The following MX2 variants were observed in gnomAD, a reference collection of about 807,000 sequenced individuals.
MX2 encodes the protein MX dynamin like GTPase 2.
In MX2, 51 loss-of-function variants were observed where a neutral mutation model predicts 74.0. That is an observed-to-expected ratio of 0.69 (90% CI 0.55 to 0.87). MX2 has a LOEUF of 0.87. MX2 is among the 40% of genes least tolerant of loss of function. The probability of loss-of-function intolerance (pLI) is 0.00; values close to 1 mark genes in which losing one functional copy is unlikely to be tolerated. For synonymous variants in MX2, 369 were observed against 339.3 expected (o/e 1.09, Z -0.96); for missense variants, 832 against 908.7 (o/e 0.92, Z 1.09).
intron 1 of MX2, among the ~76,000 whole-genome samples, chr21:41,369,655 C>A (rs1347800230): frequency 6.6e-6 from 1 of 152,142 alleles, no homozygotes; most frequent in African/African-American, 2.4e-5. Flanking sequence ...TGAGGTGCTG[C>A]TCTGGGACTC....
chr21:41,381,365 C>T (rs2089488935), intron 4 of MX2, among the ~76,000 whole-genome samples: 1 of 152,192 alleles, frequency 6.6e-6, no homozygotes, highest in Admixed American at 6.5e-5. Flanking sequence ...ACCATATGTG[C>T]AGGCTTGGTC....
At chr21:41,374,774 G>C (rs1338961791) in intron 1 of MX2, among the ~76,000 whole-genome samples, 1 of 152,190 alleles carries the variant, frequency 6.6e-6, no homozygotes, top group Admixed American at 6.5e-5. Flanking sequence ...TGGCCCAACT[G>C]TCCCAAAGCC....
Position 41,380,150 on chromosome 21 carries a change from AG to A in MX2, c.577+1del, listed in dbSNP as rs1460138511. ...PGQVEKEIHK[A>X]QNVMAGNGRG... is the part of the protein sequence containing the mutation. ...GCCAGGTGGAGAAAGAGATACACAA[AG>A]GTGGGCCCACGTCATTCTGAGGTTC... On this transcript the variant is annotated frameshift_variant and splice_region_variant, in exon 4 of 14. Transcript: ENST00000330714. LOFTEE classifies it high-confidence loss of function. The surrounding 1 kb of genome is among the most constrained non-coding windows in gnomAD (Gnocchi z 4.3). 1.9e-6 allele frequency: 3 copies of A among 1,613,680 alleles called. No individual in the cohort carries two copies. The highest frequency in any genetic ancestry group is 2.5e-6 in the Non-Finnish European group (3 of 1,179,804).
At chr21:41,369,850 T>TCCCGCC (rs1410120391) in intron 1 of MX2, among the ~76,000 whole-genome samples, 4 of 23,510 alleles carry the variant, frequency 1.7e-4, no homozygotes, top group Non-Finnish European at 3.8e-4. Context: ...CCGCCCCCGC[T>TCCCGCC]CCCGCCCCGC....
rs748337579 is a variant in MX2, at chr21:41,395,665, C to T, written c.950C>T (p.Pro317Leu). Reference sequence around the variant, plus strand: ...AATGTGGTGCGGAACCTCACGTACCCCCTCAAGAAGGGCTACATGATTGTG... The same window carrying T: ...AATGTGGTGCGGAACCTCACGTACCTCCTCAAGAAGGGCTACATGATTGTG... ...VMNVVRNLTY[P>L]LKKGYMIVKC... The change falls in exon 7 of 14, where the codon CCC becomes CTC. Residue 317 changes from proline (P) to leucine (L), a missense_variant. Pro to Leu is a moderately conservative substitution (Grantham distance 98). Transcript: ENST00000330714. 1.2e-6 allele frequency: 2 copies of T among 1,614,166 alleles called. No individual in the cohort carries two copies. Among genetic ancestry groups the T allele is most frequent in the Non-Finnish European group, 1.7e-6 (2 of 1,180,030 alleles).
intron 1 of MX2, among the ~76,000 whole-genome samples, chr21:41,369,645 T>G (rs1372187598): frequency 6.6e-6 from 1 of 151,950 alleles, no homozygotes; most frequent in Non-Finnish European, 1.5e-5. Context: ...TCCCGAGAAG[T>G]GAGGTGCTGC....
intron 3 of MX2, among the ~76,000 whole-genome samples, chr21:41,379,574 AC>A (rs2089460104): frequency 1.3e-5 from 2 of 150,178 alleles, no homozygotes; most frequent in African/African-American, 4.9e-5. Context: ...GCCATCCCCC[AC>A]CCCCCACACT....
intron 6 of MX2, among the ~76,000 whole-genome samples, chr21:41,393,053 G>A (rs537905803): frequency 4.6e-4 from 63 of 136,422 alleles, no homozygotes; most frequent in Non-Finnish European, 5.9e-4. Flanking sequence ...GCAGTGAGCC[G>A]AGATTGCACC....
In MX2 at chr21:41,376,863, A is replaced by G; in HGVS notation, c.-44A>G. ...CTTGTCAGGAAGATCGGAGGTGCCA[A>G]GTAGCAGAGAAAGCATCCCCCAGCT... On this transcript the variant is annotated 5_prime_UTR_variant, in exon 2 of 14. Transcript: ENST00000330714. 1 of 1,605,076 alleles carries G rather than the reference A, an allele frequency of 6.2e-7. No homozygotes were observed. The highest frequency in any genetic ancestry group is 8.5e-7 in the Non-Finnish European group (1 of 1,174,600).
At position 41,377,840 on chromosome 21, in the gene MX2, A is replaced by C. The variant is rs1448288378; in HGVS notation, c.301A>C (p.Ile101Leu). 23 of 1,614,210 alleles carry C rather than the reference A, an allele frequency of 1.4e-5. No homozygotes were observed. Among genetic ancestry groups the C allele is most frequent in the Non-Finnish European group, 1.9e-5 (22 of 1,180,038 alleles). ...GTACGAGCAGAAGGTGCGCCCCTGC[A>C]TTGACCTCATCGACTCCCTGCGGGC... ...SQYEQKVRPC[I>L]DLIDSLRALG... The change falls in exon 3 of 14, where the codon ATT (isoleucine) becomes CTT (leucine). Residue 101 changes from isoleucine (I) to leucine (L), a missense_variant. Physicochemically the swap from Ile to Leu is conservative, Grantham distance 5. Transcript: ENST00000330714.
intron 1 of MX2, among the ~76,000 whole-genome samples, chr21:41,370,005 G>T (rs1384953799): frequency 6.6e-6 from 1 of 152,214 alleles, no homozygotes; most frequent in Non-Finnish European, 1.5e-5. Flanking sequence ...TGCATGTGGA[G>T]ATTGTTTTGC....
At chr21:41,383,852 G>C (rs2089531632) in intron 5 of MX2, among the ~76,000 whole-genome samples, 1 of 152,156 alleles carries the variant, frequency 6.6e-6, no homozygotes, top group African/African-American at 2.4e-5. Flanking sequence ...CCTCCTAGGA[G>C]GGTGGCTGAT....
rs868531083 is a variant in MX2 at position 41,368,298 on chromosome 21, C to G, written c.-72+6243C>G. On this transcript the variant is annotated intron_variant, in intron 1 of 13. Transcript: ENST00000330714. This position sits in a 1 kb window ranked among gnomAD's most constrained non-coding sequence, Gnocchi z 4.6. Reference sequence around the variant, plus strand: ...GGCACCCAGCCAGCCGACAGGCTCCCGAGACAGTCCACTCACACAGACACA... The same window carrying G: ...GGCACCCAGCCAGCCGACAGGCTCCGGAGACAGTCCACTCACACAGACACA... Among the ~76,000 whole-genome samples, 2 of 152,188 alleles carry G rather than the reference C, an allele frequency of 1.3e-5. No homozygotes were observed. Among genetic ancestry groups the G allele is most frequent in the Non-Finnish European group, 2.9e-5 (2 of 68,028 alleles).
Position 41,401,979 on chromosome 21 carries a change from T to C in MX2, c.1424T>C (p.Ile475Thr). The part of the protein sequence containing the change: ...LATNTQKVKN[I>T]IHEEVEKYEK... ...CTGTTTGATGTTGCAGTTAAAAATA[T>C]TATCCACGAAGAAGTTGAAAAATAT... The change falls in exon 11 of 14, where the codon ATT becomes ACT. Residue 475 changes from isoleucine to threonine, a missense_variant. Physicochemically the swap from Ile to Thr is moderately conservative, Grantham distance 89. Coordinates refer to ENST00000330714, the MANE Select transcript of MX2 (RefSeq NM_002463.2). 1 of 1,613,060 alleles carries C rather than the reference T, an allele frequency of 6.2e-7. No homozygotes were observed. Among genetic ancestry groups the C allele is most frequent in the Non-Finnish European group, 8.5e-7 (1 of 1,179,622 alleles).
intron 12 of MX2, among the ~76,000 whole-genome samples, chr21:41,405,780 C>G (rs2089878211): frequency 6.7e-6 from 1 of 149,906 alleles, no homozygotes; most frequent in Non-Finnish European, 1.5e-5. Flanking sequence ...TCTCGGCTCA[C>G]TGCAACATCT....
chr21:41,372,713 G>A (rs900847313), intron 1 of MX2, among the ~76,000 whole-genome samples: 2 of 152,112 alleles, frequency 1.3e-5, no homozygotes, highest in East Asian at 1.9e-4. Context: ...CTGTGCTTCC[G>A]TAGCATCCCC....
At chr21:41,391,062 G>A (rs1249042744) in intron 6 of MX2, among the ~76,000 whole-genome samples, 1 of 151,930 alleles carries the variant, frequency 6.6e-6, no homozygotes, top group Admixed American at 6.6e-5. Context: ...AAGGGAGGGA[G>A]GGATGCCGCA....
chr21:41,381,684 C>CA (rs57350601), intron 4 of MX2, among the ~76,000 whole-genome samples: 7,737 of 57,214 alleles, frequency 0.14, 505 homozygotes, highest in Non-Finnish European at 0.17. Context: ...GACTCTGTCT[C>CA]AAAAAAAAAA....
At chr21:41,379,361 C>T (rs776928012) in intron 3 of MX2, among the ~76,000 whole-genome samples, 19 of 152,268 alleles carry the variant, frequency 1.2e-4, no homozygotes, top group Admixed American at 2.6e-4. Flanking sequence ...GCGTGAGGGC[C>T]CCCACCCCAA....
Sources: allele counts gnomAD v4.1 joint callset (sites outside exome capture counted in the v4.1 genomes callset), GRCh38; gene constraint gnomAD v4.1.1; non-coding constraint Gnocchi (gnomAD v3.1); transcripts MANE v1.5; gene names NCBI Gene and HGNC (gene_info 2026-07-23, HGNC 2026-07-21).